The following MND1 variants were observed in gnomAD, a reference collection of about 807,000 sequenced individuals.
MND1 encodes the protein meiotic nuclear division protein 1 homolog.
A neutral mutation model predicts 35.1 loss-of-function variants in MND1; 28 were observed. The observed-to-expected ratio is 0.80, with a 90% CI of 0.59 to 1.09. The LOEUF is 1.09. MND1 is among the 50% of genes least tolerant of loss of function. The pLI, the probability that MND1 is intolerant of heterozygous loss-of-function variation, is 0.00. For synonymous variants in MND1, 69 were observed against 70.5 expected (o/e 0.98, Z 0.11); for missense variants, 213 against 239.6 (o/e 0.89, Z 0.73).
intron 4 of MND1, among the ~76,000 whole-genome samples, chr4:153,391,060 A>G (rs1395182876): frequency 6.6e-6 from 1 of 151,964 alleles, no homozygotes; most frequent in African/African-American, 2.4e-5. Flanking sequence ...TAAAATATGT[A>G]TTTTTTTAAT....
chr4:153,381,703 T>TA (rs1728710182), intron 4 of MND1: 1 of 58,190 alleles, frequency 1.7e-5, no homozygotes, highest in East Asian at 5.1e-4. Context: ...TTTTTTTTTT[T>TA]TTTTTTTTTT....
chr4:153,390,748 T>C (rs1034369179), intron 4 of MND1, among the ~76,000 whole-genome samples: 2 of 151,916 alleles, frequency 1.3e-5, no homozygotes, highest in Non-Finnish European at 2.9e-5. Context: ...CTTGGGAGGC[T>C]GAGGTGGGAG....
intron 2 of MND1, among the ~76,000 whole-genome samples, chr4:153,353,506 T>C (rs1235649500): frequency 6.7e-6 from 1 of 148,484 alleles, no homozygotes; most frequent in Admixed American, 6.7e-5. Flanking sequence ...AGGAGTTCTT[T>C]ATATACGTAT....
chr4:153,350,016 C>A, intron 1 of MND1, 48 bp from the exon 2 acceptor site: 1 of 1,338,674 alleles, frequency 7.5e-7, no homozygotes, highest in Non-Finnish European at 1.1e-6. Flanking sequence ...CAGTTGTTTT[C>A]AAAATGTGTT....
chr4:153,371,240 C>T (rs1328276826), intron 4 of MND1, among the ~76,000 whole-genome samples: 1 of 151,966 alleles, frequency 6.6e-6, no homozygotes, highest in Non-Finnish European at 1.5e-5. Context: ...TCTTAAGGGC[C>T]CTAGGGTTTT....
At chr4:153,384,809 A>T (rs1728808745) in intron 4 of MND1, among the ~76,000 whole-genome samples, 1 of 151,968 alleles carries the variant, frequency 6.6e-6, no homozygotes, top group Non-Finnish European at 1.5e-5. Context: ...CATACTCTTT[A>T]TGTCCATTAT....
intron 4 of MND1, among the ~76,000 whole-genome samples, chr4:153,365,942 C>G (rs1465794758): frequency 2.0e-5 from 3 of 147,748 alleles, no homozygotes; most frequent in African/African-American, 7.8e-5. Context: ...TTAGTGCAAA[C>G]TTGGTGGCTG....
intron 3 of MND1, among the ~76,000 whole-genome samples, chr4:153,357,972 A>G (rs2149632983): frequency 6.6e-6 from 1 of 152,312 alleles, no homozygotes; most frequent in East Asian, 1.9e-4. Context: ...ATTATTTACT[A>G]AGCACTGATG....
At chr4:153,396,193 G>A (rs1370152382) in intron 5 of MND1, among the ~76,000 whole-genome samples, 4 of 151,866 alleles carry the variant, frequency 2.6e-5, no homozygotes, top group Non-Finnish European at 5.9e-5. Flanking sequence ...TTAGTTTCTC[G>A]GTCCCAGTGG....
At chr4:153,370,133 T>C (rs1204813314) in intron 4 of MND1, among the ~76,000 whole-genome samples, 1 of 151,714 alleles carries the variant, frequency 6.6e-6, no homozygotes, top group Non-Finnish European at 1.5e-5. Context: ...AATACAAAGA[T>C]CAGCCGGACG....
chr4:153,375,394 G>A (rs1474452056), intron 4 of MND1, among the ~76,000 whole-genome samples: 1 of 152,076 alleles, frequency 6.6e-6, no homozygotes, highest in Non-Finnish European at 1.5e-5. Flanking sequence ...TGAATAATTT[G>A]CCCAAGGTGA....
At position 153,349,467 on chromosome 4, in the gene MND1, C is replaced by A. The variant is rs180733681; in HGVS notation, c.4-597C>A. Among the ~76,000 whole-genome samples the A allele has an allele frequency of 7.6e-3, 1,159 of 152,296 alleles. 15 individuals are homozygous for A. The highest frequency in any genetic ancestry group is 8.7e-3 in the Non-Finnish European group (591 of 68,018). ...CAGCTGGACAGTCAGCTTTCCATAA[C>A]CTGACCCCACACCTTTCTCATCCCA... On this transcript the variant is annotated intron_variant, in intron 1 of 7. Transcript: ENST00000240488.
At chr4:153,410,757 G>A (rs1291021781) in intron 7 of MND1, among the ~76,000 whole-genome samples, 2 of 152,152 alleles carry the variant, frequency 1.3e-5, no homozygotes, top group Non-Finnish European at 2.9e-5. Flanking sequence ...TTGGGAGGCC[G>A]AGGCAGGAGG....
intron 7 of MND1, among the ~76,000 whole-genome samples, chr4:153,413,187 T>TG (rs1158018357): frequency 6.6e-6 from 1 of 152,070 alleles, no homozygotes; most frequent in African/African-American, 2.4e-5. Context: ...CATACAAATT[T>TG]GGGGGGAAAT....
chr4:153,414,111 A>G (rs1237105517), intron 7 of MND1, among the ~76,000 whole-genome samples: 3 of 151,840 alleles, frequency 2.0e-5, no homozygotes, highest in Non-Finnish European at 4.4e-5. Context: ...TGGGAATAGG[A>G]GCAACTTTAA....
chr4:153,372,674 G>C (rs936530113), intron 4 of MND1, among the ~76,000 whole-genome samples: 9 of 152,072 alleles, frequency 5.9e-5, no homozygotes, highest in Non-Finnish European at 1.2e-4. Context: ...CTATTCATTA[G>C]TTTGTATTTC....
In MND1 at chr4:153,371,748, A is replaced by G. The variant is rs192477051; in HGVS notation, c.276+13126A>G. 2.5e-4 allele frequency among the ~76,000 whole-genome samples: 38 copies of G among 152,172 alleles called. No homozygotes were observed. In the East Asian group the frequency reaches 6.8e-3, roughly 27 times the overall value. On this transcript the variant is annotated intron_variant, in intron 4 of 7. Transcript: ENST00000240488. ...TTGCTTTCTCATCATTTGCGTGTTT[A>G]CTAGATTAGCACTTTTAATTTCTTT...
chr4:153,384,885 G>A lies in MND1; in HGVS notation c.277-9377G>A, dbSNP rs190548972. 5.6e-3 allele frequency among the ~76,000 whole-genome samples: 847 copies of A among 152,202 alleles called. 6 individuals carry two copies. The highest frequency in any genetic ancestry group is 0.019 in the African/African-American group (792 of 41,504). Reference sequence around the variant, plus strand: ...ATGTGTTCCTCAGGGTTGGATTGCTGGAAATTTAACCCTCTGGTTAAGTGG... The same window carrying A: ...ATGTGTTCCTCAGGGTTGGATTGCTAGAAATTTAACCCTCTGGTTAAGTGG... On this transcript the variant is annotated intron_variant, in intron 4 of 7. Transcript: ENST00000240488.
chr4:153,394,320 T>G lies in MND1; in HGVS notation c.335T>G (p.Ile112Ser). ...CAGAAAAGCATTGAGAAAGCTAAAA[T>G]TGGCCGATGTGAAACGGTAAGTTTG... ...SLQKSIEKAK[I>S]GRCETEERTR... The change falls in exon 5 of 8, where the codon ATT (isoleucine) becomes AGT (serine). Residue 112 changes from isoleucine to serine, a missense_variant. Physicochemically the swap from Ile to Ser is moderately radical, Grantham distance 142 (BLOSUM62 -2). Transcript: ENST00000240488. 6.2e-7 allele frequency: 1 copy of G among 1,612,218 alleles called. No individual in the cohort carries two copies. Among genetic ancestry groups the G allele is most frequent in the Non-Finnish European group, 8.5e-7 (1 of 1,178,764 alleles).
Sources: allele counts gnomAD v4.1 joint callset (sites outside exome capture counted in the v4.1 genomes callset), GRCh38; gene constraint gnomAD v4.1.1; transcripts MANE v1.5; gene names NCBI Gene and HGNC (gene_info 2026-07-23, HGNC 2026-07-21).